Variants in MAP2K6 observed in about 807,000 individuals in gnomAD.
MAP2K6 encodes the protein mitogen-activated protein kinase kinase 6.
MAP2K6 carries 16 observed loss-of-function variants against 53.7 expected under a neutral mutation model. That is an observed-to-expected ratio of 0.30 (90% CI 0.20 to 0.45). MAP2K6 has a LOEUF of 0.45. MAP2K6 is among the 20% of genes least tolerant of loss of function. The pLI, the probability that MAP2K6 is intolerant of heterozygous loss-of-function variation, is 1.00. For synonymous variants in MAP2K6, 132 were observed against 143.1 expected (o/e 0.92, Z 0.55); for missense variants, 204 against 411.9 (o/e 0.50, Z 4.37).
chr17:69,513,233 G>A (rs1376363281), intron 2 of MAP2K6, among the ~76,000 whole-genome samples: 1 of 152,194 alleles, frequency 6.6e-6, no homozygotes, highest in Admixed American at 6.5e-5. Flanking sequence ...CGGCACAGGC[G>A]AATTGATTAT....
At chr17:69,506,944 T>C (rs1909525138) in intron 2 of MAP2K6, among the ~76,000 whole-genome samples, 2 of 147,810 alleles carry the variant, frequency 1.4e-5, no homozygotes, top group African/African-American at 2.5e-5. Flanking sequence ...AAGATTGTTT[T>C]CTTTTTCTCT....
At chr17:69,534,654 C>T (rs1056172432) in intron 10 of MAP2K6, among the ~76,000 whole-genome samples, 5 of 152,092 alleles carry the variant, frequency 3.3e-5, no homozygotes, top group East Asian at 3.9e-4. Context: ...TACCTTACCC[C>T]GTCATGCTTA....
chr17:69,482,509 T>C (rs932646224), intron 1 of MAP2K6, among the ~76,000 whole-genome samples: 14 of 151,948 alleles, frequency 9.2e-5, no homozygotes, highest in African/African-American at 3.4e-4. Flanking sequence ...ACTCCATTTG[T>C]GTATTTTTTT....
At chr17:69,445,328 A>C (rs963645989) in intron 1 of MAP2K6, among the ~76,000 whole-genome samples, 1 of 152,226 alleles carries the variant, frequency 6.6e-6, no homozygotes, top group Non-Finnish European at 1.5e-5. Context: ...GTCTTAGATT[A>C]CTTCCTGACC....
In MAP2K6 at chr17:69,544,751, A is replaced by G. The variant is rs1911811825; in HGVS notation, c.*2998A>G. 6.6e-6 allele frequency: 1 copy of G among 152,222 alleles called. No homozygotes were observed. The highest frequency in any genetic ancestry group is 1.5e-5 in the Non-Finnish European group (1 of 68,036). The allele number at this position is 152,222 out of a possible 1,614,324, so 9.4% of individuals were successfully genotyped here. A position where few individuals can be genotyped will look rare whatever the true frequency, so the allele number is the denominator to read the frequency against. On this transcript the variant is annotated 3_prime_UTR_variant, in exon 12 of 12. Coordinates refer to ENST00000590474, the MANE Select transcript of MAP2K6 (RefSeq NM_002758.4). Reference sequence around the variant, plus strand: ...AAAAAAAGTAATATGCATAACTTTTAAGACTATTACCCTATGTTTGTACGT... The same window carrying G: ...AAAAAAAGTAATATGCATAACTTTTGAGACTATTACCCTATGTTTGTACGT...
intron 1 of MAP2K6, among the ~76,000 whole-genome samples, chr17:69,469,317 C>T (rs1195255066): frequency 2.0e-5 from 3 of 152,220 alleles, no homozygotes; most frequent in Admixed American, 1.3e-4. Flanking sequence ...TCCAAGTAAT[C>T]CTGATCAATC....
At chr17:69,449,561 ATTTC>A (rs1230834033) in intron 1 of MAP2K6, among the ~76,000 whole-genome samples, 1,499 of 102,004 alleles carry the variant, frequency 0.015, 10 homozygotes, top group South Asian at 0.042. Flanking sequence ...TTCTTTCTTT[ATTTC>A]TTTCTTTCTT....
intron 1 of MAP2K6, chr17:69,433,728 A>T (rs1476140065): frequency 6.6e-6 from 1 of 152,218 alleles, no homozygotes; most frequent in Admixed American, 6.5e-5. Context: ...AACTGCTTGG[A>T]TCTTGAAAGG....
intron 1 of MAP2K6, among the ~76,000 whole-genome samples, chr17:69,420,525 A>G (rs1906043684): frequency 6.6e-6 from 1 of 152,234 alleles, no homozygotes; most frequent in Non-Finnish European, 1.5e-5. Context: ...CTATTTATGC[A>G]TCCTGATATT....
chr17:69,466,287 C>CAA (rs35116857), intron 1 of MAP2K6, among the ~76,000 whole-genome samples: 2 of 89,694 alleles, frequency 2.2e-5, no homozygotes, highest in African/African-American at 4.1e-5. Context: ...GAGACTGTCT[C>CAA]AAAAAAAAAA....
chr17:69,423,642 G>A (rs1285526933), intron 1 of MAP2K6, among the ~76,000 whole-genome samples: 8 of 152,126 alleles, frequency 5.3e-5, no homozygotes, highest in Admixed American at 4.6e-4. Context: ...ACGTCTGAGT[G>A]GTGTCTCTCC....
chr17:69,441,488 G>T (rs954660033), intron 1 of MAP2K6, among the ~76,000 whole-genome samples: 2 of 151,962 alleles, frequency 1.3e-5, no homozygotes, highest in Non-Finnish European at 2.9e-5. Context: ...GTTCTTCTTT[G>T]TATATGCGAT....
intron 1 of MAP2K6, among the ~76,000 whole-genome samples, chr17:69,460,667 C>T (rs1907596138): frequency 6.6e-6 from 1 of 152,160 alleles, no homozygotes; most frequent in Non-Finnish European, 1.5e-5. Flanking sequence ...GTGGCATGAT[C>T]ATGGCTCACT....
intron 2 of MAP2K6, among the ~76,000 whole-genome samples, chr17:69,511,341 T>A (rs1909797955): frequency 6.6e-6 from 1 of 152,144 alleles, no homozygotes; most frequent in African/African-American, 2.4e-5. Flanking sequence ...ACATTTTGTG[T>A]TTTTCTTGGC....
chr17:69,417,726 T>A lies in MAP2K6; in HGVS notation c.16+2726T>A, dbSNP rs535573062. Among the ~76,000 whole-genome samples, 14 of 151,364 alleles carry A rather than the reference T, an allele frequency of 9.2e-5. No individual in the cohort carries two copies. In the East Asian group the frequency reaches 2.7e-3, roughly 30 times the overall value. On this transcript the variant is annotated intron_variant, in intron 1 of 11. Coordinates refer to ENST00000590474, the MANE Select transcript of MAP2K6 (RefSeq NM_002758.4). ...ACAGGAAGACAAGCTACAGGAAAAA[T>A]GTGTCATCTACACTACCCGGGAGAG... is the stretch of plus-strand genomic sequence containing the variant.
rs1171736605 is a variant in MAP2K6, at chr17:69,526,815, G to A, written c.881+106G>A. 4.4e-6 allele frequency: 6 copies of A among 1,370,116 alleles called. No individual in the cohort carries two copies. In the South Asian group the frequency reaches 5.8e-5, roughly 13 times the overall value. The allele number at this position is 1,370,116 out of a possible 1,614,324, so 84.9% of individuals were successfully genotyped here. A position where few individuals can be genotyped will look rare whatever the true frequency, so the allele number is the denominator to read the frequency against. On this transcript the variant is annotated intron_variant, in intron 10 of 11. Coordinates refer to ENST00000590474, the MANE Select transcript of MAP2K6 (RefSeq NM_002758.4). ...CATCATGCATACATTCATTCCGAAA[G>A]CATTTGTGGAGTATGCCCTCTCTGC...
chr17:69,522,680 C>T (rs1397699854), intron 7 of MAP2K6, among the ~76,000 whole-genome samples: 1 of 152,026 alleles, frequency 6.6e-6, no homozygotes, highest in Non-Finnish European at 1.5e-5. Flanking sequence ...AGTAACCTGC[C>T]CTGTGGTCTG....
intron 1 of MAP2K6, among the ~76,000 whole-genome samples, chr17:69,424,159 A>G (rs987921661): frequency 6.6e-6 from 1 of 152,170 alleles, no homozygotes; most frequent in Non-Finnish European, 1.5e-5. Context: ...TCTTTTGAGG[A>G]CGAATATTCT....
At chr17:69,488,033 G>A (rs1234086340) in intron 1 of MAP2K6, among the ~76,000 whole-genome samples, 1 of 152,112 alleles carries the variant, frequency 6.6e-6, no homozygotes, top group Non-Finnish European at 1.5e-5. Context: ...CCTACAGAAT[G>A]GGAGGAAATA....
Sources: allele counts gnomAD v4.1 joint callset (sites outside exome capture counted in the v4.1 genomes callset), GRCh38; gene constraint gnomAD v4.1.1; transcripts MANE v1.5; gene names NCBI Gene and HGNC (gene_info 2026-07-23, HGNC 2026-07-21).